Variants in DSCAM observed in about 807,000 individuals in gnomAD.
DSCAM encodes the protein DS cell adhesion molecule.
DSCAM carries 47 observed loss-of-function variants against 217.7 expected under a neutral mutation model. The observed-to-expected ratio is 0.22, with a 90% confidence interval of 0.17 to 0.28. The LOEUF (loss-of-function observed/expected upper bound fraction) is 0.28, where lower values mean the gene tolerates loss of function less well. Among genes scored for constraint, DSCAM ranks in the 10% least tolerant of loss-of-function variants. The pLI is 1.00. For missense variants in DSCAM, 2,080 were observed against 2,618.3 expected (o/e 0.79, Z 4.49); for synonymous variants, 1,056 against 1,015.3 (o/e 1.04, Z -0.76).
chr21:40,756,395 T>TC (rs2091276743), intron 1 of DSCAM, among the ~76,000 whole-genome samples: 2 of 152,118 alleles, frequency 1.3e-5, no homozygotes, highest in Non-Finnish European at 2.9e-5. Flanking sequence ...TTACTCAGTC[T>TC]CTTTTTTTTT....
At chr21:40,489,234 G>C (rs1166091976) in intron 3 of DSCAM, among the ~76,000 whole-genome samples, 1 of 152,148 alleles carries the variant, frequency 6.6e-6, no homozygotes, top group African/African-American at 2.4e-5. Context: ...TAATGCGGGT[G>C]ACCTCATCCA....
intron 18 of DSCAM, among the ~76,000 whole-genome samples, chr21:40,134,337 A>G (rs1318337311): frequency 6.6e-6 from 1 of 152,178 alleles, no homozygotes; most frequent in Non-Finnish European, 1.5e-5. Flanking sequence ...GGTGCTAATG[A>G]GCAATGTCCC....
intron 11 of DSCAM, among the ~76,000 whole-genome samples, chr21:40,218,844 T>C (rs2091266507): frequency 6.6e-6 from 1 of 152,236 alleles, no homozygotes; most frequent in South Asian, 2.1e-4. Flanking sequence ...TTTTGTATCC[T>C]GAAACTTTGC....
chr21:40,805,764 A>G (rs1476921628), intron 1 of DSCAM, among the ~76,000 whole-genome samples: 1 of 151,410 alleles, frequency 6.6e-6, no homozygotes, highest in East Asian at 1.9e-4. Context: ...GCTGGAGTGC[A>G]GTGGCCCCAT....
Position 40,737,760 on chromosome 21 carries a change from T to C in DSCAM, c.44-28989A>G, listed in dbSNP as rs139102771. Among the ~76,000 whole-genome samples the C allele has an allele frequency of 1.7e-4, 26 of 152,272 alleles. No homozygotes were observed. In the East Asian group the frequency reaches 5.0e-3, roughly 29 times the overall value. On this transcript the variant is annotated intron_variant, in intron 1 of 32. Coordinates refer to ENST00000400454, the MANE Select transcript of DSCAM (RefSeq NM_001389.5). ...TCCGCAGGCAGAAAGAGCATCTCAT[T>C]CTCTGCTGGCTTTCCAGAGCCTGGC...
At chr21:40,139,375 G>C (rs116548116) in intron 18 of DSCAM, among the ~76,000 whole-genome samples, 1 of 151,910 alleles carries the variant, frequency 6.6e-6, no homozygotes, top group African/African-American at 2.4e-5. Flanking sequence ...ATATTGGTTC[G>C]GTCTGGAAGG....
intron 1 of DSCAM, among the ~76,000 whole-genome samples, chr21:40,836,922 G>A (rs944008778): frequency 2.0e-5 from 3 of 152,170 alleles, no homozygotes; most frequent in African/African-American, 4.8e-5. Flanking sequence ...TCCCCACAAC[G>A]CTGGCATCAG....
At chr21:40,214,735 CAAAA>C (rs1209648217) in intron 11 of DSCAM, among the ~76,000 whole-genome samples, 2 of 67,862 alleles carry the variant, frequency 2.9e-5, no homozygotes, top group African/African-American at 8.1e-5. Flanking sequence ...GCAACAACAG[CAAAA>C]AAAAAAAAAA....
chr21:40,737,948 T>A (rs1286335032), intron 1 of DSCAM, among the ~76,000 whole-genome samples: 1 of 152,180 alleles, frequency 6.6e-6, no homozygotes, highest in Non-Finnish European at 1.5e-5. Context: ...CCCATTCAAG[T>A]CTCCCTTTCT....
intron 1 of DSCAM, among the ~76,000 whole-genome samples, chr21:40,745,651 G>C (rs1471810334): frequency 6.6e-6 from 1 of 152,144 alleles, no homozygotes. Context: ...TACAAGAAAT[G>C]CTGACAAGAG....
chr21:40,739,655 C>T (rs1018947347), intron 1 of DSCAM, among the ~76,000 whole-genome samples: 3 of 152,150 alleles, frequency 2.0e-5, no homozygotes, highest in Non-Finnish European at 4.4e-5. Context: ...CAAATCCAGT[C>T]ACATCCCGAG....
intron 9 of DSCAM, among the ~76,000 whole-genome samples, chr21:40,304,050 C>T (rs1034895864): frequency 1.3e-5 from 2 of 152,314 alleles, no homozygotes; most frequent in Non-Finnish European, 2.9e-5. Context: ...AAGGTCACTC[C>T]ACTGAGCAGG....
intron 3 of DSCAM, among the ~76,000 whole-genome samples, chr21:40,507,083 C>A (rs1422471086): frequency 2.0e-5 from 3 of 152,076 alleles, no homozygotes; most frequent in African/African-American, 4.8e-5. Flanking sequence ...TAGAGACCAG[C>A]CTGACCAACA....
chr21:40,575,774 TAAAA>T (rs201921213), intron 3 of DSCAM, among the ~76,000 whole-genome samples: 3 of 145,474 alleles, frequency 2.1e-5, no homozygotes, highest in African/African-American at 7.5e-5. Context: ...CAAAATATAT[TAAAA>T]AAAAAAACTC....
chr21:40,614,812 A>G (rs2089366265), intron 3 of DSCAM, among the ~76,000 whole-genome samples: 2 of 152,350 alleles, frequency 1.3e-5, no homozygotes, highest in African/African-American at 4.8e-5. Flanking sequence ...TGAAACAGGC[A>G]CATGTTTCAG....
intron 20 of DSCAM, among the ~76,000 whole-genome samples, chr21:40,114,821 C>T (rs140495353): frequency 0.011 from 1,702 of 152,322 alleles, 21 homozygotes; most frequent in Middle Eastern, 0.024. Flanking sequence ...AAATGCTCAT[C>T]ATCACTGGCT....
At chr21:40,106,153 C>T (rs1434678642) in intron 20 of DSCAM, among the ~76,000 whole-genome samples, 1 of 152,120 alleles carries the variant, frequency 6.6e-6, no homozygotes, top group East Asian at 1.9e-4. Context: ...AGAGGGTGTG[C>T]AGGGGAACTG....
intron 11 of DSCAM, among the ~76,000 whole-genome samples, chr21:40,261,650 T>TACACACACACACA (rs373042306): frequency 0.015 from 1,664 of 112,534 alleles, 25 homozygotes; most frequent in African/African-American, 0.046. Flanking sequence ...TCTCTCTCTC[T>TACACACACACACA]CTACACACAC....
At position 40,051,973 on chromosome 21, in the gene DSCAM, C is replaced by T. The variant is rs757432560; in HGVS notation, c.5170G>A (p.Ala1724Thr). 2.3e-5 allele frequency: 37 copies of T among 1,612,426 alleles called. No individual in the cohort carries two copies. Among genetic ancestry groups the T allele is most frequent in the Non-Finnish European group, 3.0e-5 (35 of 1,179,430 alleles). Residue 1724 changes from alanine to threonine, a missense_variant, in exon 30 of 33, where the codon GCT becomes ACT. Physicochemically the swap from Ala to Thr is moderately conservative, Grantham distance 58 (BLOSUM62 0). Coordinates refer to ENST00000400454, the MANE Select transcript of DSCAM (RefSeq NM_001389.5). ...ATGPLVDVSDARPGTNPTTRR... is the reference protein window; with the variant it reads ...ATGPLVDVSDTRPGTNPTTRR... Reference sequence around the variant, plus strand: ...GACCACTCACTCGTTCCCGGCCGAGCGTCTGAAACATCCACTAAGGGCCCA... The same window carrying T: ...GACCACTCACTCGTTCCCGGCCGAGTGTCTGAAACATCCACTAAGGGCCCA...
Sources: gnomAD v4.1 joint callset for allele counts (sites outside exome capture counted in the v4.1 genomes callset) on GRCh38, gnomAD v4.1.1 for gene constraint, MANE v1.5 for transcripts, NCBI Gene and HGNC (gene_info 2026-07-23, HGNC 2026-07-21) for gene names.